Variants in BMERB1 observed in about 807,000 individuals in gnomAD.
BMERB1 encodes the protein bMERB domain containing 1.
In BMERB1, 12 loss-of-function variants were observed where a neutral mutation model predicts 23.6. That is an observed-to-expected ratio of 0.51 (90% CI 0.33 to 0.82). BMERB1 has a LOEUF of 0.82. Among genes scored for constraint, BMERB1 ranks in the 40% least tolerant of loss-of-function variants. The pLI is 0.03. For synonymous variants in BMERB1, 122 were observed against 96.6 expected (o/e 1.26, Z -1.54); for missense variants, 247 against 255.4 (o/e 0.97, Z 0.22).
chr16:15,482,638 G>A lies in BMERB1; in HGVS notation c.107-32667G>A, dbSNP rs114336452. Among the ~76,000 whole-genome samples the A allele has an allele frequency of 9.5e-4, 145 of 152,240 alleles. 1 individual carries two copies. The highest frequency in any genetic ancestry group is 3.4e-3 in the African/African-American group (140 of 41,540). ...TGCTACCTTCAGTTTCACATCTGGA[G>A]GAGGAAATCACTGACAAAGCAAAGC... On this transcript the variant is annotated intron_variant, in intron 1 of 5. Coordinates refer to ENST00000300006, the MANE Select transcript of BMERB1 (RefSeq NM_033201.3).
intron 1 of BMERB1, among the ~76,000 whole-genome samples, chr16:15,488,278 C>T (rs907111058): frequency 2.0e-5 from 3 of 152,292 alleles, no homozygotes; most frequent in East Asian, 1.9e-4. Context: ...TTTGATTCCA[C>T]GCTGACCCCT....
intron 3 of BMERB1, among the ~76,000 whole-genome samples, chr16:15,568,257 C>T (rs2030632825): frequency 6.6e-6 from 1 of 152,228 alleles, no homozygotes; most frequent in Admixed American, 6.5e-5. Context: ...TGTCCTTGGA[C>T]AAGTCACTGT....
chr16:15,489,960 G>C (rs530150148), intron 1 of BMERB1, among the ~76,000 whole-genome samples: 1 of 151,812 alleles, frequency 6.6e-6, no homozygotes, highest in Non-Finnish European at 1.5e-5. Context: ...TACGCCTCCC[G>C]GGTTCACGCC....
At chr16:15,564,050 G>C (rs2030499881) in intron 2 of BMERB1, among the ~76,000 whole-genome samples, 1 of 152,156 alleles carries the variant, frequency 6.6e-6, no homozygotes, top group Non-Finnish European at 1.5e-5. Context: ...CTCTTGCCCT[G>C]TGACTTCTGC....
chr16:15,461,885 G>C (rs1313543467), intron 1 of BMERB1, among the ~76,000 whole-genome samples: 1 of 152,038 alleles, frequency 6.6e-6, no homozygotes, highest in African/African-American at 2.4e-5. Flanking sequence ...AGTGAGCTGT[G>C]ATTGGGCCAC....
At chr16:15,446,073 G>T (rs2050986590) in intron 1 of BMERB1, among the ~76,000 whole-genome samples, 1 of 152,146 alleles carries the variant, frequency 6.6e-6, no homozygotes, top group African/African-American at 2.4e-5. Flanking sequence ...CAGAAAGTAA[G>T]CGAGACTCTA....
At chr16:15,561,083 T>C (rs951812088) in intron 2 of BMERB1, among the ~76,000 whole-genome samples, 1 of 141,522 alleles carries the variant, frequency 7.1e-6, no homozygotes, top group African/African-American at 2.6e-5. Context: ...GCTTCCTGAG[T>C]AGCTGGGATT....
At chr16:15,584,268 A>T in intron 5 of BMERB1, 1 of 488,252 alleles carries the variant, frequency 2.0e-6, no homozygotes. Flanking sequence ...GTTAGAAGAA[A>T]TGGATGCCTG....
chr16:15,553,672 C>T (rs1366117820), intron 2 of BMERB1, among the ~76,000 whole-genome samples: 1 of 152,152 alleles, frequency 6.6e-6, no homozygotes, highest in Non-Finnish European at 1.5e-5. Flanking sequence ...TGATTTTCCC[C>T]AAGTATTTAA....
intron 1 of BMERB1, among the ~76,000 whole-genome samples, chr16:15,468,976 T>G (rs1241507592): frequency 1.3e-5 from 2 of 150,900 alleles, no homozygotes; most frequent in Non-Finnish European, 3.0e-5. Flanking sequence ...TTTTTTTTTT[T>G]TTTTTTTTTG....
intron 1 of BMERB1, among the ~76,000 whole-genome samples, chr16:15,460,253 T>C (rs2150927506): frequency 6.6e-6 from 1 of 152,268 alleles, no homozygotes; most frequent in Non-Finnish European, 1.5e-5. Flanking sequence ...TAAATGACCC[T>C]ACCTAAGAAA....
intron 2 of BMERB1, among the ~76,000 whole-genome samples, chr16:15,544,197 C>T (rs2052111235): frequency 6.6e-6 from 1 of 152,228 alleles, no homozygotes; most frequent in African/African-American, 2.4e-5. Context: ...ATTAAAGATG[C>T]TGATGAGTCC....
intron 1 of BMERB1, among the ~76,000 whole-genome samples, chr16:15,510,944 C>T (rs975760203): frequency 1.3e-5 from 2 of 152,060 alleles, no homozygotes; most frequent in African/African-American, 4.8e-5. Flanking sequence ...TCAGGTGATC[C>T]GCCCGCTTCG....
chr16:15,491,585 C>A (rs1261469413), intron 1 of BMERB1, among the ~76,000 whole-genome samples: 2 of 152,166 alleles, frequency 1.3e-5, no homozygotes, highest in Admixed American at 1.3e-4. Flanking sequence ...CATGGGGCCA[C>A]TTCCTGTCTC....
rs551373422 is a variant in BMERB1, at chr16:15,561,131, G to A, written c.231-6852G>A. Among the ~76,000 whole-genome samples the A allele has an allele frequency of 2.7e-5, 4 of 149,878 alleles. No individual in the cohort carries two copies. The South Asian group carries it at 8.5e-4, about 32-fold the overall frequency. On this transcript the variant is annotated intron_variant, in intron 2 of 5. Coordinates refer to ENST00000300006, the MANE Select transcript of BMERB1 (RefSeq NM_033201.3). ...TACCAACCATGCCCGGCTAATTTTT[G>A]TATTTTTAGTAGAGACAGGATTTCA...
intron 2 of BMERB1, among the ~76,000 whole-genome samples, chr16:15,549,234 G>A (rs1291085664): frequency 1.3e-5 from 2 of 151,940 alleles, no homozygotes; most frequent in Non-Finnish European, 2.9e-5. Flanking sequence ...AGCTACTTGG[G>A]AGGCTGAGCC....
chr16:15,584,124 T>C, intron 5 of BMERB1: 1 of 697,802 alleles, frequency 1.4e-6, no homozygotes, highest in East Asian at 2.7e-5. Flanking sequence ...TACTTGACCC[T>C]GTATTTGGAG....
intron 3 of BMERB1, among the ~76,000 whole-genome samples, chr16:15,577,985 G>A (rs1003389817): frequency 1.3e-5 from 2 of 152,214 alleles, no homozygotes; most frequent in Non-Finnish European, 2.9e-5. Flanking sequence ...CCTGGCACCA[G>A]CTGTGACCAA....
At chr16:15,471,746 T>C (rs1393745618) in intron 1 of BMERB1, among the ~76,000 whole-genome samples, 1 of 152,098 alleles carries the variant, frequency 6.6e-6, no homozygotes, top group Non-Finnish European at 1.5e-5. Context: ...CCACCACGCC[T>C]GGCTAATTTT....
Sources: gnomAD v4.1 joint callset for allele counts (sites outside exome capture counted in the v4.1 genomes callset) on GRCh38, gnomAD v4.1.1 for gene constraint, MANE v1.5 for transcripts, NCBI Gene and HGNC (gene_info 2026-07-23, HGNC 2026-07-21) for gene names.